The following MDGA2 variants were observed in gnomAD, a reference collection of about 807,000 sequenced individuals.
The protein encoded by MDGA2 is MAM domain containing glycosylphosphatidylinositol anchor 2.
Under a neutral mutation model 117.8 loss-of-function variants are expected in MDGA2, and 40 were observed. The ratio of observed to expected loss-of-function variants is 0.34; its 90% CI spans 0.26 to 0.44. MDGA2 has a LOEUF of 0.44. MDGA2 is among the 20% of genes least tolerant of loss of function. MDGA2 has a pLI of 1.00. For missense variants in MDGA2, 1,123 were observed against 1,250.6 expected, an observed-to-expected ratio of 0.90 and a Z score of 1.54; for synonymous variants, 452 against 439.0, an observed-to-expected ratio of 1.03 and a Z score of -0.37.
At chr14:47,618,506 A>G (rs2138921124) in intron 1 of MDGA2, among the ~76,000 whole-genome samples, 1 of 151,636 alleles carries the variant, frequency 6.6e-6, no homozygotes, top group African/African-American at 2.4e-5. Flanking sequence ...ACTCTCTAAA[A>G]CTCTCTACTT....
chr14:47,103,755 C>T (rs996024984), intron 5 of MDGA2, among the ~76,000 whole-genome samples: 15 of 152,160 alleles, frequency 9.9e-5, no homozygotes, highest in African/African-American at 3.6e-4. Flanking sequence ...GAGAGATTCC[C>T]TAGATGGGCT....
In MDGA2 at chr14:47,558,923, T is replaced by G. The variant is rs547122302; in HGVS notation, c.280+115594A>C. On this transcript the variant is annotated intron_variant, in intron 1 of 16. Coordinates refer to ENST00000399232, the MANE Select transcript of MDGA2 (RefSeq NM_001113498.3). ...ATAGGCAGCTATAATCTGTAAATTTTATATTTTCTTTAAAATTTGAATATA... is the reference window on the plus strand; with the variant it reads ...ATAGGCAGCTATAATCTGTAAATTTGATATTTTCTTTAAAATTTGAATATA... Among the ~76,000 whole-genome samples, 4 of 152,302 alleles carry G rather than the reference T, an allele frequency of 2.6e-5. No individual in the cohort carries two copies. The South Asian group carries it at 8.3e-4, about 32-fold the overall frequency.
At chr14:47,377,825 C>T (rs1031584991) in intron 1 of MDGA2, among the ~76,000 whole-genome samples, 8 of 152,134 alleles carry the variant, frequency 5.3e-5, no homozygotes, top group Non-Finnish European at 1.2e-4. Flanking sequence ...AAACTTCAGA[C>T]TTAAACATCC....
intron 3 of MDGA2, among the ~76,000 whole-genome samples, chr14:47,165,373 T>C (rs1475447766): frequency 6.6e-6 from 1 of 152,232 alleles, no homozygotes; most frequent in Admixed American, 6.5e-5. Flanking sequence ...TGTCTTCTAG[T>C]TCAGGCTTGA....
At chr14:47,326,600 C>T (rs73251845) in intron 1 of MDGA2, among the ~76,000 whole-genome samples, 6,141 of 152,090 alleles carry the variant, frequency 0.04, 166 homozygotes, top group African/African-American at 0.076. Context: ...TATTCCTTCT[C>T]AAGTCACTCT....
chr14:47,142,929 T>C (rs746845780), intron 4 of MDGA2, among the ~76,000 whole-genome samples: 1 of 152,216 alleles, frequency 6.6e-6, no homozygotes, highest in Non-Finnish European at 1.5e-5. Flanking sequence ...AGAATACATA[T>C]TTTAATTTAC....
In MDGA2 at chr14:47,371,858, C is replaced by T. The variant is rs145039079; in HGVS notation, c.281-70308G>A. Among the ~76,000 whole-genome samples the T allele has an allele frequency of 2.0e-3, 303 of 151,796 alleles. 1 individual carries two copies. The highest frequency in any genetic ancestry group is 7.1e-3 in the African/African-American group (293 of 41,528). On this transcript the variant is annotated intron_variant, in intron 1 of 16. Coordinates refer to ENST00000399232, the MANE Select transcript of MDGA2 (RefSeq NM_001113498.3). ...CCTTTTTGATAAAAATATCTATTAG[C>T]ATTATTTTTCATTTCATATCTGATA...
At chr14:47,577,742 A>T (rs1020672964) in intron 1 of MDGA2, among the ~76,000 whole-genome samples, 19 of 152,284 alleles carry the variant, frequency 1.2e-4, no homozygotes, top group Middle Eastern at 3.4e-3. Context: ...GCCAGTCAGA[A>T]TGGCGATTAT....
intron 3 of MDGA2, chr14:47,200,528 T>A (rs1885457926): frequency 3.2e-6 from 2 of 623,848 alleles, no homozygotes; most frequent in Non-Finnish European, 4.9e-6. Flanking sequence ...TTTTTCTTTT[T>A]CTTTTCTTTT....
At chr14:47,596,232 A>G (rs1896539725) in intron 1 of MDGA2, among the ~76,000 whole-genome samples, 1 of 152,210 alleles carries the variant, frequency 6.6e-6, no homozygotes, top group Non-Finnish European at 1.5e-5. Context: ...GTTAAATAAA[A>G]AGGAAGCCAA....
intron 1 of MDGA2, among the ~76,000 whole-genome samples, chr14:47,670,565 T>C (rs911941623): frequency 2.0e-4 from 30 of 152,136 alleles, no homozygotes; most frequent in African/African-American, 7.2e-4. Context: ...AAAGAAAACT[T>C]TCAAAACTAA....
chr14:47,602,635 G>C (rs1207168643), intron 1 of MDGA2, among the ~76,000 whole-genome samples: 1 of 152,086 alleles, frequency 6.6e-6, no homozygotes, highest in African/African-American at 2.4e-5. Flanking sequence ...TGCCCCCTTG[G>C]AGGATAAAAG....
At chr14:46,888,948 C>A (rs1882771759) in intron 10 of MDGA2, among the ~76,000 whole-genome samples, 1 of 151,826 alleles carries the variant, frequency 6.6e-6, no homozygotes, top group Non-Finnish European at 1.5e-5. Context: ...TAATAGCTGA[C>A]ATTAAAAATC....
intron 7 of MDGA2, among the ~76,000 whole-genome samples, chr14:47,036,235 A>C (rs2138653788): frequency 1.5e-5 from 2 of 137,870 alleles, no homozygotes; most frequent in East Asian, 4.4e-4. Flanking sequence ...GCACCACTGC[A>C]CTCCAGCCTG....
chr14:47,073,390 A>G (rs1037383224), intron 6 of MDGA2, among the ~76,000 whole-genome samples: 2 of 152,156 alleles, frequency 1.3e-5, no homozygotes, highest in African/African-American at 4.8e-5. Context: ...ATAGAGCCTC[A>G]ATCTCCCAAA....
chr14:47,051,150 A>G (rs1889443364), intron 7 of MDGA2, among the ~76,000 whole-genome samples: 1 of 151,908 alleles, frequency 6.6e-6, no homozygotes, highest in Admixed American at 6.6e-5. Flanking sequence ...ACTGGATTTG[A>G]AATCTGAGAT....
rs377260262 is a variant in MDGA2, at chr14:46,841,903, A to T, written c.*28T>A. On this transcript the variant is annotated 3_prime_UTR_variant, in exon 17 of 17. Transcript: ENST00000399232. ...CTTTCTTCATGCCAGTGCCTGGTGA[A>T]TCTTTTATAGCCTCTGCCAGGATAA... The T allele has an allele frequency of 7.4e-6, 11 of 1,483,088 alleles. No individual in the cohort carries two copies. Among genetic ancestry groups the T allele is most frequent in the Non-Finnish European group, 1.0e-5 (11 of 1,075,110 alleles). The allele number at this position is 1,483,088 out of a possible 1,614,324, so 91.9% of individuals were successfully genotyped here.
intron 7 of MDGA2, among the ~76,000 whole-genome samples, chr14:47,053,638 TATATATATATATATATACAC>T (rs1437426434): frequency 0.013 from 656 of 51,122 alleles, 10 homozygotes; most frequent in Middle Eastern, 0.036. Context: ...TATATATATA[TATATATATATATATATACAC>T]ACACACACAC....
intron 1 of MDGA2, among the ~76,000 whole-genome samples, chr14:47,604,013 C>T (rs1260875070): frequency 2.6e-5 from 4 of 152,190 alleles, no homozygotes; most frequent in Non-Finnish European, 4.4e-5. Context: ...GAGCAGGTGC[C>T]GGTGCCATGC....
Sources: allele counts gnomAD v4.1 joint callset (sites outside exome capture counted in the v4.1 genomes callset), GRCh38; gene constraint gnomAD v4.1.1; transcripts MANE v1.5; gene names NCBI Gene and HGNC (gene_info 2026-07-23, HGNC 2026-07-21).